NEBL: variants seen among roughly 807,000 people sequenced by gnomAD.
NEBL encodes the protein nebulette.
In NEBL, 122 loss-of-function variants were observed where a neutral mutation model predicts 140.2. The ratio of observed to expected loss-of-function variants is 0.87; its 90% CI spans 0.75 to 1.01. NEBL has a LOEUF of 1.01. NEBL is among the 50% of genes least tolerant of loss of function. NEBL has a pLI of 0.00. For synonymous variants in NEBL, 436 were observed against 398.9 expected (o/e 1.09, Z -1.11); for missense variants, 1,365 against 1,231.3 (o/e 1.11, Z -1.62).
intron 4 of NEBL, among the ~76,000 whole-genome samples, chr10:20,940,286 C>A (rs1589046113): frequency 6.6e-6 from 1 of 151,112 alleles, no homozygotes; most frequent in African/African-American, 2.4e-5. Context: ...GAAACTCAAT[C>A]AAAACCGCTC....
At chr10:21,035,949 G>A (rs1038375191) in intron 2 of NEBL, among the ~76,000 whole-genome samples, 5 of 151,960 alleles carry the variant, frequency 3.3e-5, no homozygotes, top group Non-Finnish European at 5.9e-5. Flanking sequence ...GATCACTTGA[G>A]GTCAAAAGCT....
At chr10:20,875,674 G>A (rs1365324940) in intron 5 of NEBL, among the ~76,000 whole-genome samples, 1 of 152,124 alleles carries the variant, frequency 6.6e-6, no homozygotes, top group Non-Finnish European at 1.5e-5. Flanking sequence ...ACTTGGAGAT[G>A]AGAAGATTGA....
intron 2 of NEBL, among the ~76,000 whole-genome samples, chr10:21,050,327 A>T (rs554751790): frequency 6.6e-6 from 1 of 152,248 alleles, no homozygotes; most frequent in East Asian, 1.9e-4. Context: ...TAACATCATC[A>T]TCACAACTAC....
chr10:21,234,141 T>A, intron 3 of NEBL, among the ~76,000 whole-genome samples: 1 of 151,778 alleles, frequency 6.6e-6, no homozygotes, highest in East Asian at 1.9e-4. Flanking sequence ...GAGCTACTTG[T>A]TGAAAAGGGG....
intron 3 of NEBL, among the ~76,000 whole-genome samples, chr10:21,224,499 T>C (rs1443839102): frequency 6.6e-6 from 1 of 152,204 alleles, no homozygotes; most frequent in Non-Finnish European, 1.5e-5. Flanking sequence ...CTATTCTGGG[T>C]CTTTTGTGAT....
At position 21,118,984 on chromosome 10, in the gene NEBL, G is replaced by T. The variant is rs142511523; in HGVS notation, c.164+53399C>A. On this transcript the variant is annotated intron_variant, in intron 2 of 6. Transcript: ENST00000417816. ...TCTCAATCATTCTTACAACAATCTT[G>T]TGAGCTAAGGACTTGCAACATGAGA... Among the ~76,000 whole-genome samples, 340 of 152,228 alleles carry T rather than the reference G, an allele frequency of 2.2e-3. 2 individuals are homozygous for T. Among genetic ancestry groups the T allele is most frequent in the Admixed American group, 4.5e-3 (69 of 15,268 alleles).
At chr10:20,884,931 C>T (rs1359293439) in intron 4 of NEBL, among the ~76,000 whole-genome samples, 1 of 152,204 alleles carries the variant, frequency 6.6e-6, no homozygotes, top group Non-Finnish European at 1.5e-5. Context: ...AAATGGCCTC[C>T]TAAAAACTCT....
At chr10:20,938,087 A>C (rs947519936) in intron 4 of NEBL, among the ~76,000 whole-genome samples, 28 of 152,312 alleles carry the variant, frequency 1.8e-4, no homozygotes, top group African/African-American at 6.5e-4. Context: ...CTTTGAAGAC[A>C]GTAGTGGTTC....
intron 2 of NEBL, among the ~76,000 whole-genome samples, chr10:21,077,722 C>T (rs1045778531): frequency 1.3e-5 from 2 of 152,038 alleles, no homozygotes; most frequent in Non-Finnish European, 2.9e-5. Flanking sequence ...TTTTTCCCTT[C>T]TTCATTTTCT....
In NEBL at chr10:20,908,614, C is replaced by A. The variant is rs1242911778; in HGVS notation, c.357+53058G>T. ...GCAAATGTTTAACAATCAACTCTCT[C>A]AGGGTTTATATTTTTTAATTAAGAA... is the stretch of plus-strand genomic sequence containing the variant. On this transcript the variant is annotated intron_variant, in intron 4 of 6. Coordinates refer to the NEBL transcript ENST00000417816. Among the ~76,000 whole-genome samples the A allele has an allele frequency of 3.9e-5, 6 of 152,138 alleles. No homozygotes were observed. In the South Asian group the frequency reaches 1.0e-3, roughly 26 times the overall value.
intron 18 of NEBL, among the ~76,000 whole-genome samples, chr10:20,824,461 C>A (rs1839647061): frequency 6.6e-6 from 1 of 152,252 alleles, no homozygotes; most frequent in Middle Eastern, 3.4e-3. Flanking sequence ...AGACAGGCTA[C>A]CTCTAAATAA....
chr10:21,100,157 GT>G, intron 2 of NEBL, among the ~76,000 whole-genome samples: 1 of 152,190 alleles, frequency 6.6e-6, no homozygotes, highest in East Asian at 1.9e-4. Flanking sequence ...TGACTCTTTA[GT>G]TTCCCTAATT....
At chr10:20,943,135 C>A (rs1166544786) in intron 4 of NEBL, among the ~76,000 whole-genome samples, 2 of 152,208 alleles carry the variant, frequency 1.3e-5, no homozygotes, top group Non-Finnish European at 2.9e-5. Context: ...AAGACACATG[C>A]ACACGTATGT....
chr10:20,862,881 T>C (rs1392162513), intron 7 of NEBL, among the ~76,000 whole-genome samples: 5 of 152,216 alleles, frequency 3.3e-5, no homozygotes, highest in South Asian at 2.1e-4. Context: ...TTAATTTTTT[T>C]TATTTTTAAT....
chr10:20,897,174 T>C lies in NEBL; in HGVS notation c.32A>G (p.Asp11Gly). 2 of 1,606,272 alleles carry C rather than the reference T, an allele frequency of 1.2e-6. No homozygotes were observed. The highest frequency in any genetic ancestry group is 8.5e-7 in the Non-Finnish European group (1 of 1,173,656). MRVPVFEDIK[D>G]ETEEEKIGEE... is the part of the protein sequence containing the mutation. ...CCCTATCTTTTCTTCTTCAGTTTCA[T>C]CTTTTATATCCTCAAATACAGGGAC... Residue 11 changes from aspartate (D) to glycine (G), a missense_variant, in exon 1 of 28, where the codon GAT becomes GGT. This residue lies in a region of NEBL where 1,323 missense variants were observed against 1,154.8 expected (regional missense o/e 1.15). Coordinates refer to ENST00000377122, the MANE Select transcript of NEBL (RefSeq NM_006393.3).
chr10:21,163,784 T>A (rs1840651438), intron 2 of NEBL, among the ~76,000 whole-genome samples: 1 of 152,202 alleles, frequency 6.6e-6, no homozygotes, highest in South Asian at 2.1e-4. Context: ...AATGCACACA[T>A]CGAACTAGTT....
At chr10:21,183,914 T>A (rs150322141) in intron 3 of NEBL, among the ~76,000 whole-genome samples, 1 of 152,176 alleles carries the variant, frequency 6.6e-6, no homozygotes, top group African/African-American at 2.4e-5. Context: ...GATGGTTTTA[T>A]TAAGGGGAGT....
chr10:21,290,648 C>CATA (rs1186237684), intron 1 of NEBL, among the ~76,000 whole-genome samples: 2 of 152,148 alleles, frequency 1.3e-5, no homozygotes, highest in Non-Finnish European at 2.9e-5. Flanking sequence ...ATTTTATCTA[C>CATA]ATAATAAGAC....
At chr10:21,013,499 T>C (rs1302804490) in intron 3 of NEBL, among the ~76,000 whole-genome samples, 1 of 152,184 alleles carries the variant, frequency 6.6e-6, no homozygotes, top group Non-Finnish European at 1.5e-5. Context: ...AAAGGCTTCT[T>C]GTCCAAGACC....
Sources: gnomAD v4.1 joint callset for allele counts (sites outside exome capture counted in the v4.1 genomes callset) on GRCh38, gnomAD v4.1.1 for gene constraint, gnomAD v4.1.1 regional missense constraint, MANE v1.5 for transcripts, NCBI Gene and HGNC (gene_info 2026-07-23, HGNC 2026-07-21) for gene names.